Variants in TRMU observed in about 807,000 individuals in gnomAD.
TRMU encodes tRNA mitochondrial 2-thiouridylase, also known as mitochondrial tRNA-specific 2-thiouridylase 1.
TRMU carries 49 observed loss-of-function variants against 46.9 expected under a neutral mutation model. That is an observed-to-expected ratio of 1.05 (90% CI 0.83 to 1.33). The LOEUF (loss-of-function observed/expected upper bound fraction) is 1.33. Among genes scored for constraint, TRMU ranks in the 40% most tolerant of loss-of-function variants. The pLI, the probability that TRMU is intolerant of heterozygous loss-of-function variation, is 0.00. For synonymous variants in TRMU, 241 were observed against 200.9 expected, an observed-to-expected ratio of 1.20 and a Z score of -1.69; for missense variants, 572 against 532.4, an observed-to-expected ratio of 1.07 and a Z score of -0.73.
At chr22:46,356,816 C>T (rs1488046951) in intron 10 of TRMU, 26 bp from the exon 11 acceptor site, 5 of 1,611,856 alleles carry the variant, frequency 3.1e-6, no homozygotes, top group Non-Finnish European at 2.5e-6. Context: ...TGTGGCACCC[C>T]TGATGCCAGG....
intron 7 of TRMU, chr22:46,352,753 C>T (rs1033584925): frequency 9.0e-6 from 3 of 332,998 alleles, no homozygotes; most frequent in South Asian, 7.6e-5. Flanking sequence ...CAGGCGTCCG[C>T]GCTGGCCAGA....
At chr22:46,353,091 G>A (rs80255607) in intron 7 of TRMU, 3,431 of 162,544 alleles carry the variant, frequency 0.021, 53 homozygotes, top group Non-Finnish European at 0.03. Context: ...CCGGGGCTAG[G>A]CATTCCTGAG....
intron 8 of TRMU, chr22:46,354,171 C>G (rs146432169): frequency 1.1e-5 from 4 of 364,838 alleles, no homozygotes; most frequent in African/African-American, 6.3e-5. Context: ...GTGGCTCATC[C>G]GGTGGAGAGG....
chr22:46,341,473 A>G (rs1012269191), intron 2 of TRMU, among the ~76,000 whole-genome samples: 1 of 152,240 alleles, frequency 6.6e-6, no homozygotes, highest in Non-Finnish European at 1.5e-5. Flanking sequence ...GTAGGAAAAC[A>G]GTTTGGTGCC....
chr22:46,338,255 C>T lies in TRMU; in HGVS notation c.248+311C>T, dbSNP rs776421785. ...GATAGGGGAGCTAAGGCTGAGGGCT[C>T]CCCTGGAAGGTGAGCACCAATGCCT... is the stretch of plus-strand genomic sequence containing the variant. On this transcript the variant is annotated intron_variant, in intron 2 of 10. Coordinates refer to ENST00000645190, the MANE Select transcript of TRMU (RefSeq NM_018006.5). This position sits in a 1 kb window ranked among gnomAD's most constrained non-coding sequence, Gnocchi z 4.5. 13 of 393,220 alleles carry T rather than the reference C, an allele frequency of 3.3e-5. No homozygotes were observed. Among genetic ancestry groups the T allele is most frequent in the Non-Finnish European group, 3.4e-5 (7 of 205,630 alleles). 24.4% of individuals were successfully genotyped at this position (393,220 alleles called of 1,614,324 possible).
chr22:46,340,860 C>A (rs1045432077), intron 2 of TRMU, among the ~76,000 whole-genome samples: 4 of 152,244 alleles, frequency 2.6e-5, no homozygotes, highest in Non-Finnish European at 5.9e-5. Context: ...CGGGTAGAGT[C>A]TTTTCCCATC....
chr22:46,356,405 C>T (rs775177546), intron 10 of TRMU: 54 of 440,042 alleles, frequency 1.2e-4, no homozygotes, highest in Non-Finnish European at 2.0e-4. Context: ...CCCTGTGGGC[C>T]GAGTGTGCAG....
At position 46,347,266 on chromosome 22, in the gene TRMU, G is replaced by A. The variant is rs1265848400; in HGVS notation, c.478+722G>A. 6.6e-6 allele frequency: 1 copy of A among 152,358 alleles called. No homozygotes were observed. The highest frequency in any genetic ancestry group is 1.5e-5 in the Non-Finnish European group (1 of 68,182). 9.4% of individuals were successfully genotyped at this position (152,358 alleles called of 1,614,324 possible). ...TTGTCCGGAAGTTCAGATGTTGGAG[G>A]GAGCCTTGTCCCGCCATCTGGGGAA... On this transcript the variant is annotated intron_variant, in intron 4 of 10. Transcript: ENST00000645190. This position sits in a 1 kb window ranked among gnomAD's most constrained non-coding sequence, Gnocchi z 5.0.
At chr22:46,343,212 T>G in intron 2 of TRMU, 50 bp from the exon 3 acceptor site, 1 of 1,331,124 alleles carries the variant, frequency 7.5e-7, no homozygotes, top group Non-Finnish European at 1.1e-6. Context: ...TTTTTTTTTT[T>G]TTGAGGAATG....
rs79284765 is a variant in TRMU, at chr22:46,349,155, T to C, written c.479-1136T>C. Among the ~76,000 whole-genome samples, 294 of 146,600 alleles carry C rather than the reference T, an allele frequency of 2.0e-3. 9 individuals are homozygous for C. The East Asian group carries it at 0.054, about 27-fold the overall frequency. ...TCCATCTCAAAAAAAAAAAAAAAAG[T>C]GGACTCTGGAAAGTGCTCTGCTTCC... On this transcript the variant is annotated intron_variant, in intron 4 of 10. Coordinates refer to ENST00000645190, the MANE Select transcript of TRMU (RefSeq NM_018006.5). The surrounding 1 kb of genome is among the most constrained non-coding windows in gnomAD (Gnocchi z 4.6).
chr22:46,340,882 C>T (rs554895927), intron 2 of TRMU, among the ~76,000 whole-genome samples: 175 of 152,356 alleles, frequency 1.1e-3, no homozygotes, highest in Admixed American at 5.2e-3. Flanking sequence ...CTGGGGCTGC[C>T]CCCGAGGTCG....
chr22:46,353,934 C>A, intron 8 of TRMU, 67 bp downstream of exon 8: 1 of 1,515,514 alleles, frequency 6.6e-7, no homozygotes, highest in Non-Finnish European at 9.1e-7. Context: ...GCTTCCAGAC[C>A]AGGGCTTGAG....
intron 9 of TRMU, 141 bp from the exon 10 acceptor site, chr22:46,355,849 C>A: frequency 9.2e-7 from 1 of 1,086,894 alleles, no homozygotes; most frequent in Non-Finnish European, 1.3e-6. Context: ...CTGCTGCGTC[C>A]AGGGCCCAGG....
Position 46,339,569 on chromosome 22 carries a change from C to T in TRMU, c.248+1625C>T, listed in dbSNP as rs1430067608. On this transcript the variant is annotated intron_variant, in intron 2 of 10. Transcript: ENST00000645190. The surrounding 1 kb of genome is among the most constrained non-coding windows in gnomAD (Gnocchi z 4.8). ...GGGATAAAAGACTACACATCGGGTA[C>T]AATGTCCACTGCTTGGGTGACGGGT... 1.3e-5 allele frequency among the ~76,000 whole-genome samples: 2 copies of T among 152,172 alleles called. No homozygotes were observed. The highest frequency in any genetic ancestry group is 1.3e-4 in the Admixed American group (2 of 15,276).
rs201755743 is a variant in TRMU at position 46,346,535 on chromosome 22, G to A, written c.469G>A (p.Val157Ile). The A allele has an allele frequency of 1.9e-5, 31 of 1,610,972 alleles. No individual in the cohort carries two copies. The highest frequency in any genetic ancestry group is 2.5e-6 in the Non-Finnish European group (3 of 1,178,136). ...AGGGCTTTTCAGAAATCGGTTTGAA[G>A]TTAGAAATGGTAAGTTCATGTGCCC... ...PEGLFRNRFE[V>I]RNAVKLLQAA... Residue 157 changes from valine (V) to isoleucine (I), a missense_variant, in exon 4 of 11, where the codon GTT becomes ATT. Physicochemically the swap from Val to Ile is conservative, Grantham distance 29 (BLOSUM62 3). Transcript: ENST00000645190.
chr22:46,356,447 G>T, intron 10 of TRMU: 1 of 424,564 alleles, frequency 2.4e-6, no homozygotes, highest in Non-Finnish European at 4.4e-6. Context: ...GGTGGGTGTA[G>T]GCCTGAGGAA....
rs1229490513 is a variant in TRMU, at chr22:46,350,204, C to G, written c.479-87C>G. On this transcript the variant is annotated intron_variant, in intron 4 of 10. Coordinates refer to ENST00000645190, the MANE Select transcript of TRMU (RefSeq NM_018006.5). The surrounding 1 kb of genome is among the most constrained non-coding windows in gnomAD (Gnocchi z 4.6). ...CTGCCTCTGACAGGCTAGGGGTAGT[C>G]TGTCTAAGTGAACAGAAGGACATTG... 1 of 1,535,870 alleles carries G rather than the reference C, an allele frequency of 6.5e-7. No homozygotes were observed. The highest frequency in any genetic ancestry group is 2.3e-5 in the East Asian group (1 of 44,410).
At chr22:46,341,992 C>T (rs1300435474) in intron 2 of TRMU, among the ~76,000 whole-genome samples, 1 of 151,968 alleles carries the variant, frequency 6.6e-6, no homozygotes, top group Admixed American at 6.5e-5. Flanking sequence ...CAGTCATCCT[C>T]ACGGAAGAAG....
At chr22:46,337,279 G>T (rs549766707) in intron 1 of TRMU, among the ~76,000 whole-genome samples, 13 of 152,136 alleles carry the variant, frequency 8.5e-5, no homozygotes, top group African/African-American at 3.1e-4. Flanking sequence ...CCAATATTTG[G>T]GTGAATATTT....
Sources: allele counts gnomAD v4.1 joint callset (sites outside exome capture counted in the v4.1 genomes callset), GRCh38; gene constraint gnomAD v4.1.1; non-coding constraint Gnocchi (gnomAD v3.1); transcripts MANE v1.5; gene names NCBI Gene and HGNC (gene_info 2026-07-23, HGNC 2026-07-21).